Variants in MCF2L2 observed in about 807,000 individuals in gnomAD.
The protein encoded by MCF2L2 is MCF.2 cell line derived transforming sequence-like 2.
MCF2L2 carries 102 observed loss-of-function variants against 150.2 expected under a neutral mutation model. The observed-to-expected ratio is 0.68, with a 90% CI of 0.58 to 0.80. The LOEUF is 0.80. Among genes scored for constraint, MCF2L2 ranks in the 30% least tolerant of loss-of-function variants. The pLI, the probability that MCF2L2 is intolerant of heterozygous loss-of-function variation, is 0.00. For missense variants in MCF2L2, 1,256 were observed against 1,372.8 expected (o/e 0.91, Z 1.34); for synonymous variants, 465 against 491.3 (o/e 0.95, Z 0.71).
chr3:183,331,363 A>G (rs1041744413), intron 5 of MCF2L2, among the ~76,000 whole-genome samples: 1 of 152,104 alleles, frequency 6.6e-6, no homozygotes, highest in African/African-American at 2.4e-5. Context: ...GGACATGTGG[A>G]TATTATAAAC....
Position 183,181,749 on chromosome 3 carries a change from C to T in MCF2L2, c.3017-1590G>A, listed in dbSNP as rs188154125. 1.7e-3 allele frequency among the ~76,000 whole-genome samples: 260 copies of T among 152,228 alleles called. 1 individual carries two copies. The highest frequency in any genetic ancestry group is 5.7e-3 in the African/African-American group (237 of 41,524). ...TCCAGGGTCCATGGCCTCTGTGCCC[C>T]GGATGATGCCAGGGCTGCTAGGGAC... On this transcript the variant is annotated intron_variant, in intron 27 of 29. Transcript: ENST00000328913. The surrounding 1 kb of genome is among the most constrained non-coding windows in gnomAD (Gnocchi z 4.3).
intron 3 of MCF2L2, among the ~76,000 whole-genome samples, chr3:183,341,950 T>C (rs973094952): frequency 2.6e-5 from 4 of 152,248 alleles, no homozygotes; most frequent in Non-Finnish European, 4.4e-5. Flanking sequence ...CGGAGGACCT[T>C]GAGGTTGAGC....
Position 183,179,512 on chromosome 3 carries a change from C to T in MCF2L2, c.3222-9G>A. 1 of 1,610,454 alleles carries T rather than the reference C, an allele frequency of 6.2e-7. No homozygotes were observed. Among genetic ancestry groups the T allele is most frequent in the Non-Finnish European group, 8.5e-7 (1 of 1,177,570 alleles). On this transcript the variant is annotated splice_polypyrimidine_tract_variant and intron_variant, in intron 29 of 29. Coordinates refer to ENST00000328913, the MANE Select transcript of MCF2L2 (RefSeq NM_015078.4). This position sits in a 1 kb window ranked among gnomAD's most constrained non-coding sequence, Gnocchi z 4.2. ...CGGTGCTGCGGGTCGCCCTGCAATTCCGAGAAGAAAGTCAGAGACGCCGTG... is the reference window on the plus strand; with the variant it reads ...CGGTGCTGCGGGTCGCCCTGCAATTTCGAGAAGAAAGTCAGAGACGCCGTG...
chr3:183,206,953 GGAAGGAAGGA>G (rs1722505937), intron 23 of MCF2L2, among the ~76,000 whole-genome samples: 1 of 45,500 alleles, frequency 2.2e-5, no homozygotes, highest in Non-Finnish European at 4.9e-5. Flanking sequence ...AAGGAAGGAA[GGAAGGAAGGA>G]AGGAAGGAAG....
At chr3:183,360,002 T>C (rs1712030121) in intron 3 of MCF2L2, among the ~76,000 whole-genome samples, 1 of 152,218 alleles carries the variant, frequency 6.6e-6, no homozygotes, top group African/African-American at 2.4e-5. Flanking sequence ...CAATTGTTCA[T>C]TCATTAACCA....
intron 21 of MCF2L2, 37 bp downstream of exon 21, chr3:183,219,819 G>A (rs1723078820): frequency 7.4e-7 from 1 of 1,357,394 alleles, no homozygotes; most frequent in Admixed American, 1.7e-5. Context: ...ACCATTAATA[G>A]TTAGTTATAT....
intron 1 of MCF2L2, among the ~76,000 whole-genome samples, chr3:183,401,059 A>C (rs1366467045): frequency 6.6e-6 from 1 of 152,148 alleles, no homozygotes. Flanking sequence ...ACGACTCCTG[A>C]AGATCAGGTG....
Position 183,318,062 on chromosome 3 carries a change from G to T in MCF2L2, c.753+6C>A, listed in dbSNP as rs752353662. On this transcript the variant is annotated splice_donor_region_variant and intron_variant, in intron 7 of 29. Transcript: ENST00000328913. ...ACTGGCCTCTGAGAGGTCACTGACC[G>T]CTCACCTGCAGCTTGTCCCGCTGCC... is the stretch of plus-strand genomic sequence containing the variant. 6.2e-7 allele frequency: 1 copy of T among 1,612,832 alleles called. No individual in the cohort carries two copies. The highest frequency in any genetic ancestry group is 1.1e-5 in the South Asian group (1 of 90,828).
chr3:183,326,509 A>AAAAAAAAC (rs575468984), intron 5 of MCF2L2, among the ~76,000 whole-genome samples: 2 of 132,574 alleles, frequency 1.5e-5, no homozygotes, highest in African/African-American at 6.2e-5. Flanking sequence ...AAAAAAAAAA[A>AAAAAAAAC]AAAAAAACAA....
At position 183,368,958 on chromosome 3, in the gene MCF2L2, A is replaced by G. The variant is rs185865623; in HGVS notation, c.275+10339T>C. On this transcript the variant is annotated intron_variant, in intron 3 of 29. Coordinates refer to ENST00000328913, the MANE Select transcript of MCF2L2 (RefSeq NM_015078.4). ...ATAAAGATTATTCAATCAGAAAGGT[A>G]TTTGTGCAAATGCTTAGAATCCTTT... 3.9e-5 allele frequency among the ~76,000 whole-genome samples: 6 copies of G among 152,338 alleles called. No homozygotes were observed. In the East Asian group the frequency reaches 1.2e-3, roughly 29 times the overall value.
intron 21 of MCF2L2, among the ~76,000 whole-genome samples, chr3:183,219,138 G>GCA (rs144401021): frequency 6.6e-6 from 1 of 151,122 alleles, no homozygotes; most frequent in Admixed American, 6.6e-5. Flanking sequence ...TCACACACAC[G>GCA]CACACACACA....
chr3:183,226,825 G>A (rs1723362453), intron 18 of MCF2L2: 1 of 152,122 alleles, frequency 6.6e-6, no homozygotes, highest in African/African-American at 2.4e-5. Flanking sequence ...AGTATATAAA[G>A]CACTAATAAT....
At chr3:183,345,420 G>C (rs1311808990) in intron 3 of MCF2L2, among the ~76,000 whole-genome samples, 2 of 151,978 alleles carry the variant, frequency 1.3e-5, no homozygotes, top group African/African-American at 4.8e-5. Context: ...AGCTAAAGCA[G>C]GATTTAGAGG....
intron 27 of MCF2L2, among the ~76,000 whole-genome samples, chr3:183,184,345 G>A (rs1422500147): frequency 6.6e-6 from 1 of 152,168 alleles, no homozygotes; most frequent in Non-Finnish European, 1.5e-5. Flanking sequence ...AGTGATAGTT[G>A]TATTCTTGGA....
At chr3:183,340,475 C>CAG (rs1217125510) in intron 4 of MCF2L2, among the ~76,000 whole-genome samples, 1 of 152,054 alleles carries the variant, frequency 6.6e-6, no homozygotes, top group Admixed American at 6.5e-5. Flanking sequence ...GAGGTCCCTA[C>CAG]AGAGGAAGGA....
At position 183,396,908 on chromosome 3, in the gene MCF2L2, C is replaced by T. The variant is rs561301796; in HGVS notation, c.77-7129G>A. 1.4e-4 allele frequency among the ~76,000 whole-genome samples: 21 copies of T among 152,248 alleles called. No homozygotes were observed. In the East Asian group the frequency reaches 3.3e-3, roughly 24 times the overall value. Reference sequence around the variant, plus strand: ...ACCACAAGCCAAGAAATAGCTACAGCCCCCAGAAGCCAGAAGAGACAAGAA... The same window carrying T: ...ACCACAAGCCAAGAAATAGCTACAGTCCCCAGAAGCCAGAAGAGACAAGAA... On this transcript the variant is annotated intron_variant, in intron 1 of 29. Coordinates refer to ENST00000328913, the MANE Select transcript of MCF2L2 (RefSeq NM_015078.4).
At chr3:183,255,797 G>T (rs1423693751) in intron 15 of MCF2L2, among the ~76,000 whole-genome samples, 5 of 148,892 alleles carry the variant, frequency 3.4e-5, no homozygotes, top group Non-Finnish European at 7.4e-5. Context: ...ACATTCAAAT[G>T]GTGAGATTGT....
At chr3:183,303,194 C>CAAAAAA (rs56742154) in intron 10 of MCF2L2, among the ~76,000 whole-genome samples, 1 of 123,944 alleles carries the variant, frequency 8.1e-6, no homozygotes, top group Non-Finnish European at 1.7e-5. Flanking sequence ...ACTCTGTCTC[C>CAAAAAA]AAAAAAAAAA....
intron 25 of MCF2L2, among the ~76,000 whole-genome samples, chr3:183,202,469 C>T (rs1391764434): frequency 6.6e-6 from 1 of 152,128 alleles, no homozygotes; most frequent in Non-Finnish European, 1.5e-5. Context: ...CTGCGAAGGC[C>T]CCACGATCTT....
Sources: gnomAD v4.1 joint callset for allele counts (sites outside exome capture counted in the v4.1 genomes callset) on GRCh38, gnomAD v4.1.1 for gene constraint, Gnocchi (gnomAD v3.1) non-coding constraint, MANE v1.5 for transcripts, NCBI Gene and HGNC (gene_info 2026-07-23, HGNC 2026-07-21) for gene names.